ARHGEF11: variants seen among roughly 807,000 people sequenced by gnomAD.
The protein encoded by ARHGEF11 is Rho guanine nucleotide exchange factor 11.
ARHGEF11 carries 55 observed loss-of-function variants against 193.7 expected under a neutral mutation model. The observed-to-expected ratio is 0.28, with a 90% CI of 0.23 to 0.36. The LOEUF is 0.36. ARHGEF11 is among the 10% of genes least tolerant of loss of function. The pLI is 1.00. For missense variants in ARHGEF11, 1,723 were observed against 2,005.6 expected, an observed-to-expected ratio of 0.86 and a Z score of 2.69; for synonymous variants, 693 against 768.0, an observed-to-expected ratio of 0.90 and a Z score of 1.62.
chr1:156,957,737 C>T, intron 18 of ARHGEF11, 55 bp downstream of exon 18: 1 of 1,583,084 alleles, frequency 6.3e-7, no homozygotes, highest in Non-Finnish European at 8.7e-7. Context: ...CATAGTAGCT[C>T]AACCCCACTC....
At position 156,947,292 on chromosome 1, in the gene ARHGEF11, C is replaced by T. The variant is rs374880286; in HGVS notation, c.2488+12G>A. The T allele has an allele frequency of 3.1e-6, 5 of 1,594,436 alleles. No homozygotes were observed. Among genetic ancestry groups the T allele is most frequent in the Non-Finnish European group, 4.3e-6 (5 of 1,172,638 alleles). ...AGCAGAAGAGGAGTCTGGAGGGGCA[C>T]AGGCTCCTTACTGTGAATCTCTATG... is the stretch of plus-strand genomic sequence containing the variant. On this transcript the variant is annotated intron_variant, in intron 26 of 40. Transcript: ENST00000368194.
At position 157,045,672 on chromosome 1, in the gene ARHGEF11, G is replaced by C. The variant is rs1271742799; in HGVS notation, c.-1342C>G. ...CGTGTTCCGGCCTTCGCGGCCGCTC[G>C]GGACGCCAGGCTCGGCGCACAGGGA... On this transcript the variant is annotated 5_prime_UTR_variant, in exon 1 of 41. Transcript: ENST00000368194. Among the ~76,000 whole-genome samples the C allele has an allele frequency of 1.3e-5, 2 of 150,542 alleles. No homozygotes were observed. Among genetic ancestry groups the C allele is most frequent in the East Asian group, 2.0e-4 (1 of 5,098 alleles).
chr1:156,937,538 G>T, intron 38 of ARHGEF11, 42 bp from the exon 39 acceptor site: 2 of 1,501,740 alleles, frequency 1.3e-6, no homozygotes, highest in South Asian at 1.4e-5. Context: ...GGCAAACAGA[G>T]AAGTCGAAGC....
intron 1 of ARHGEF11, among the ~76,000 whole-genome samples, chr1:156,994,934 C>A (rs1444122101): frequency 1.3e-5 from 2 of 152,222 alleles, no homozygotes; most frequent in African/African-American, 4.8e-5. Context: ...ATCTCCCCAG[C>A]CCTGCTCCTG....
At chr1:156,961,849 G>A (rs1660906242) in intron 13 of ARHGEF11, 74 bp from the exon 14 acceptor site, 1 of 1,338,160 alleles carries the variant, frequency 7.5e-7, no homozygotes, top group African/African-American at 1.4e-5. Context: ...GGGACGTTTG[G>A]CCATGTCTGG....
rs749684158 is a variant in ARHGEF11 at position 156,960,421 on chromosome 1, T to C, written c.1279A>G (p.Ile427Val). ...VKIPEMLQAE[I>V]DSRLRNSEDA... ...ACCGACCAATGAGCCAACTTACCAA[T>C]TTCAGCCTGTAGCATCTCAGGGATC... The change falls in exon 15 of 41, where the codon ATT (isoleucine) becomes GTT (valine). Residue 427 changes from isoleucine to valine, a missense_variant. Coordinates refer to ENST00000368194, the MANE Select transcript of ARHGEF11 (RefSeq NM_198236.3). 3.7e-6 allele frequency: 6 copies of C among 1,613,994 alleles called. No homozygotes were observed. The Admixed American group carries it at 1.0e-4, about 27-fold the overall frequency.
chr1:156,966,780 T>G (rs1238502948), intron 11 of ARHGEF11, among the ~76,000 whole-genome samples: 2 of 152,254 alleles, frequency 1.3e-5, no homozygotes, highest in Non-Finnish European at 2.9e-5. Context: ...AAGGCAGAAT[T>G]GCCCTCAAGC....
At position 156,940,382 on chromosome 1, in the gene ARHGEF11, C is replaced by A. The variant is rs1455226211; in HGVS notation, c.3558G>T (p.Leu1186=). The change falls in exon 36 of 41, where the codon CTG becomes CTT. Residue 1186 remains leucine (L), a synonymous_variant. Coordinates refer to ENST00000368194, the MANE Select transcript of ARHGEF11 (RefSeq NM_198236.3). The part of the protein sequence containing the change: ...QQRVQGKHQV[L]LEDPEQEGSA... ...TGCCCTCCTGCTCAGGGTCCTCTAGCAGGACCTGGTGCTTCCCTTGGACCC... is the reference window on the plus strand; with the variant it reads ...TGCCCTCCTGCTCAGGGTCCTCTAGAAGGACCTGGTGCTTCCCTTGGACCC... 7 of 1,612,816 alleles carry A rather than the reference C, an allele frequency of 4.3e-6. No individual in the cohort carries two copies. The highest frequency in any genetic ancestry group is 5.9e-6 in the Non-Finnish European group (7 of 1,179,252).
intron 12 of ARHGEF11, 67 bp downstream of exon 12, chr1:156,963,453 C>T (rs1661253540): frequency 1.9e-6 from 3 of 1,562,750 alleles, no homozygotes; most frequent in East Asian, 2.2e-5. Context: ...AGTCAAACTG[C>T]TTCTAGTCAA....
chr1:157,040,058 A>C (rs1400574784), intron 1 of ARHGEF11, among the ~76,000 whole-genome samples: 1 of 152,196 alleles, frequency 6.6e-6, no homozygotes, highest in Non-Finnish European at 1.5e-5. Flanking sequence ...CTAAACAAAT[A>C]CATTAATAAA....
At chr1:156,971,949 C>T (rs1206740365) in intron 7 of ARHGEF11, 133 bp from the exon 8 acceptor site, 2 of 1,064,910 alleles carry the variant, frequency 1.9e-6, no homozygotes, top group Non-Finnish European at 2.6e-6. Context: ...GTCTCTGCCT[C>T]CAAGTAGATG....
At position 156,936,830 on chromosome 1, in the gene ARHGEF11, G is replaced by A. The variant is rs1344668552; in HGVS notation, c.4616C>T (p.Pro1539Leu). 1.2e-6 allele frequency: 2 copies of A among 1,613,756 alleles called. No homozygotes were observed. The highest frequency in any genetic ancestry group is 1.3e-5 in the African/African-American group (1 of 74,872). ...SDSRNSHELGPCPEDGSDAPL... is the reference protein window; with the variant it reads ...SDSRNSHELGLCPEDGSDAPL... Reference sequence around the variant, plus strand: ...GCTTCACTCACCATCCTCAGGGCAGGGCCCCAGTTCATGGCTGTTCCTGGA... The same window carrying A: ...GCTTCACTCACCATCCTCAGGGCAGAGCCCCAGTTCATGGCTGTTCCTGGA... Residue 1539 changes from proline to leucine, a missense_variant, in exon 40 of 41, where the codon CCC becomes CTC. By Grantham distance (98) the Pro-to-Leu change is moderately conservative (BLOSUM62 -3). Around this residue, in one of 5 missense-constraint regions of ARHGEF11, gnomAD observed 360 missense variants for 344.4 expected, o/e 1.05. Transcript: ENST00000368194.
chr1:156,959,082 G>A lies in ARHGEF11; in HGVS notation c.1343C>T (p.Ala448Val), dbSNP rs1660397899. The A allele has an allele frequency of 1.2e-6, 2 of 1,614,242 alleles. No individual in the cohort carries two copies. The highest frequency in any genetic ancestry group is 1.7e-6 in the Non-Finnish European group (2 of 1,180,042). The change falls in exon 16 of 41, where the codon GCC (alanine) becomes GTC (valine). Residue 448 changes from alanine to valine, a missense_variant. Physicochemically the swap from Ala to Val is moderately conservative, Grantham distance 64. Transcript: ENST00000368194. Reference sequence around the variant, plus strand: ...GATCTGCTCTTGGATCTCAGGCATGGCTGCCTCTTGAGCTTCACAGAGAAC... The same window carrying A: ...GATCTGCTCTTGGATCTCAGGCATGACTGCCTCTTGAGCTTCACAGAGAAC... ...RGVLCEAQEA[A>V]MPEIQEQIHD...
At chr1:156,965,872 A>T (rs929788031) in intron 11 of ARHGEF11, among the ~76,000 whole-genome samples, 1 of 152,190 alleles carries the variant, frequency 6.6e-6, no homozygotes, top group Non-Finnish European at 1.5e-5. Context: ...GAAACTTAAG[A>T]GCTCTGTGTC....
chr1:156,963,145 A>T, intron 13 of ARHGEF11, 58 bp downstream of exon 13: 1 of 1,334,022 alleles, frequency 7.5e-7, no homozygotes, highest in South Asian at 1.2e-5. Flanking sequence ...CAGAGGCTAG[A>T]GGTCCTCTCT....
At chr1:157,008,606 T>C (rs568351944) in intron 1 of ARHGEF11, among the ~76,000 whole-genome samples, 1 of 152,346 alleles carries the variant, frequency 6.6e-6, no homozygotes, top group African/African-American at 2.4e-5. Flanking sequence ...CCAAGCTGAC[T>C]AAACCAGACT....
chr1:157,014,104 T>C (rs1272855656), intron 1 of ARHGEF11, among the ~76,000 whole-genome samples: 1 of 152,164 alleles, frequency 6.6e-6, no homozygotes, highest in Non-Finnish European at 1.5e-5. Flanking sequence ...TTTATTAGTG[T>C]TTCCATGACC....
intron 1 of ARHGEF11, among the ~76,000 whole-genome samples, chr1:157,026,477 C>T (rs1027983342): frequency 6.6e-6 from 1 of 152,058 alleles, no homozygotes; most frequent in Non-Finnish European, 1.5e-5. Context: ...GCTCTGAGTC[C>T]CAGATCACCC....
rs1471828631 is a variant in ARHGEF11, at chr1:156,954,813, G to C, written c.1798+79C>G. Reference sequence around the variant, plus strand: ...GAACAGGATGGGAGATGATGAGAAAGAAACAGAAAAGACAAGATTTGGGAG... The same window carrying C: ...GAACAGGATGGGAGATGATGAGAAACAAACAGAAAAGACAAGATTTGGGAG... On this transcript the variant is annotated intron_variant, in intron 21 of 40. Coordinates refer to ENST00000368194, the MANE Select transcript of ARHGEF11 (RefSeq NM_198236.3). 3.2e-6 allele frequency: 4 copies of C among 1,234,900 alleles called. No homozygotes were observed. In the East Asian group the frequency reaches 7.0e-5, roughly 21 times the overall value. The allele number at this position is 1,234,900 out of a possible 1,614,324, so 76.5% of individuals were successfully genotyped here.
Sources: gnomAD v4.1 joint callset for allele counts (sites outside exome capture counted in the v4.1 genomes callset) on GRCh38, gnomAD v4.1.1 for gene constraint, gnomAD v4.1.1 regional missense constraint, MANE v1.5 for transcripts, NCBI Gene and HGNC (gene_info 2026-07-23, HGNC 2026-07-21) for gene names.